The following NANS variants were observed in gnomAD, a reference collection of about 807,000 sequenced individuals.
NANS encodes the protein N-acetylneuraminate-9-phosphate synthase.
A neutral mutation model predicts 33.3 loss-of-function variants in NANS; 29 were observed. The observed-to-expected ratio is 0.87, with a 90% CI of 0.65 to 1.19. NANS has a LOEUF of 1.19. Among genes scored for constraint, NANS ranks in the 50% most tolerant of loss-of-function variants. NANS has a pLI of 0.00. For synonymous variants in NANS, 163 were observed against 177.2 expected (o/e 0.92, Z 0.64); for missense variants, 394 against 461.1 (o/e 0.85, Z 1.33).
intron 2 of NANS, among the ~76,000 whole-genome samples, chr9:98,073,308 G>A (rs1048713368): frequency 1.5e-4 from 17 of 109,708 alleles, no homozygotes; most frequent in African/African-American, 3.9e-4. Context: ...TTTTTGAGAC[G>A]GAGTCTTGCT....
At chr9:98,076,406 GC>G (rs1236619819) in intron 2 of NANS, 1 of 152,532 alleles carries the variant, frequency 6.6e-6, no homozygotes, top group Admixed American at 6.6e-5. Context: ...ATGGAGTCTC[GC>G]TCTGTGGCCC....
chr9:98,062,464 A>C (rs1829010986), intron 2 of NANS, among the ~76,000 whole-genome samples: 1 of 152,144 alleles, frequency 6.6e-6, no homozygotes, highest in Non-Finnish European at 1.5e-5. Flanking sequence ...TGTAAAAAAA[A>C]TTTTACTTGT....
chr9:98,079,973 G>C (rs1005638808), intron 4 of NANS, among the ~76,000 whole-genome samples: 2 of 152,246 alleles, frequency 1.3e-5, no homozygotes, highest in Admixed American at 6.5e-5. Context: ...CAGCACTTTG[G>C]GAGGCTGAGG....
chr9:98,060,560 C>T (rs555216517), intron 1 of NANS, among the ~76,000 whole-genome samples: 1 of 152,202 alleles, frequency 6.6e-6, no homozygotes, highest in South Asian at 2.1e-4. Context: ...ATCCCAGCTA[C>T]TTGGGAGGCT....
At chr9:98,077,986 C>T (rs543379578) in intron 3 of NANS, 15 of 616,768 alleles carry the variant, frequency 2.4e-5, no homozygotes, top group Non-Finnish European at 3.6e-5. Context: ...AGAACACTGT[C>T]GGGGGGCAGA....
intron 4 of NANS, among the ~76,000 whole-genome samples, chr9:98,078,872 C>T (rs1405397645): frequency 6.7e-6 from 1 of 149,536 alleles, no homozygotes; most frequent in Non-Finnish European, 1.5e-5. Flanking sequence ...TGTCAACAGA[C>T]ATTTGGGATG....
At chr9:98,076,701 C>A (rs957228179) in intron 2 of NANS, 1 of 526,316 alleles carries the variant, frequency 1.9e-6, no homozygotes, top group Admixed American at 3.8e-5. Flanking sequence ...AAGACCAGCA[C>A]CAAACGTTTG....
At chr9:98,065,112 T>C (rs1048849943) in intron 2 of NANS, among the ~76,000 whole-genome samples, 1 of 152,050 alleles carries the variant, frequency 6.6e-6, no homozygotes, top group Admixed American at 6.6e-5. Context: ...AAGGAATAGG[T>C]CTTGTAAGTA....
intron 4 of NANS, 140 bp downstream of exon 4, chr9:98,078,487 A>G (rs1389470557): frequency 2.6e-6 from 3 of 1,164,278 alleles, no homozygotes; most frequent in African/African-American, 3.1e-5. Flanking sequence ...TACCAAATCA[A>G]ATTCGAGCTA....
intron 4 of NANS, among the ~76,000 whole-genome samples, chr9:98,079,637 C>T (rs1829759718): frequency 6.6e-6 from 1 of 152,092 alleles, no homozygotes; most frequent in Admixed American, 6.6e-5. Flanking sequence ...GTAAACATCC[C>T]CTGCACTCCC....
rs139906232 is a variant in NANS, at chr9:98,062,256, G to A, written c.348+1259G>A. 8.3e-3 allele frequency among the ~76,000 whole-genome samples: 1,262 copies of A among 151,738 alleles called. 14 individuals are homozygous for A. Among genetic ancestry groups the A allele is most frequent in the African/African-American group, 0.028 (1,149 of 41,402 alleles). On this transcript the variant is annotated intron_variant, in intron 2 of 5. Transcript: ENST00000210444. ...CAAGGAAACCACAGTTCTGGAGTCC[G>A]CTCCTTGCTGACTAGCCTTGACTGA...
Position 98,078,361 on chromosome 9 carries a change from A to AG in NANS, c.603+19dup. 6.2e-7 allele frequency: 1 copy of AG among 1,611,150 alleles called. No homozygotes were observed. The highest frequency in any genetic ancestry group is 8.5e-7 in the Non-Finnish European group (1 of 1,178,488). On this transcript the variant is annotated intron_variant, in intron 4 of 5. Coordinates refer to ENST00000210444, the MANE Select transcript of NANS (RefSeq NM_018946.4). The stretch of plus-strand genomic sequence containing the variant: ...CGGGTCATCTCGGTGAGCAGGAGGG[A>AG]GGGGGTTCCCTTCTTGGGCCATTTA...
At chr9:98,070,407 C>T (rs1158697915) in intron 2 of NANS, among the ~76,000 whole-genome samples, 1 of 151,864 alleles carries the variant, frequency 6.6e-6, no homozygotes, top group Admixed American at 6.6e-5. Flanking sequence ...TGTGAGCCAC[C>T]GTGCCCAGCT....
intron 2 of NANS, among the ~76,000 whole-genome samples, chr9:98,063,209 G>A (rs1829037923): frequency 6.6e-6 from 1 of 151,304 alleles, no homozygotes; most frequent in Non-Finnish European, 1.5e-5. Flanking sequence ...GATTACGGGT[G>A]TGAGCCACCA....
At chr9:98,077,143 A>C in intron 3 of NANS, 126 bp downstream of exon 3, 1 of 712,582 alleles carries the variant, frequency 1.4e-6, no homozygotes, top group Non-Finnish European at 2.3e-6. Context: ...CATTTTTTTA[A>C]ATAGAGATAG....
In NANS at chr9:98,078,193, G is replaced by T. The variant is rs746136591; in HGVS notation, c.449G>T (p.Gly150Val). The change falls in exon 4 of 6, where the codon GGT (glycine) becomes GTT (valine). Residue 150 changes from glycine to valine, a missense_variant and splice_region_variant. Physicochemically the swap from Gly to Val is moderately radical, Grantham distance 109 (BLOSUM62 -3). Transcript: ENST00000210444. ...FPYLEKTAKK[G>V]RPMVISSGMQ... Reference sequence around the variant, plus strand: ...ATGGTGTTGGTGCTGGATTACTCAGGTCGCCCAATGGTGATCTCCAGTGGG... The same window carrying T: ...ATGGTGTTGGTGCTGGATTACTCAGTTCGCCCAATGGTGATCTCCAGTGGG... 1 of 1,614,186 alleles carries T rather than the reference G, an allele frequency of 6.2e-7. No homozygotes were observed. The highest frequency in any genetic ancestry group is 2.2e-5 in the East Asian group (1 of 44,884).
chr9:98,066,098 A>G (rs1314943758), intron 2 of NANS, among the ~76,000 whole-genome samples: 1 of 152,212 alleles, frequency 6.6e-6, no homozygotes, highest in Admixed American at 6.5e-5. Context: ...TCCCCAGGAC[A>G]CAGTTTTTCT....
chr9:98,071,818 G>A (rs1829348054), intron 2 of NANS, among the ~76,000 whole-genome samples: 1 of 152,208 alleles, frequency 6.6e-6, no homozygotes, highest in Admixed American at 6.5e-5. Context: ...GGACTTTTCT[G>A]CTTCCGTCCA....
chr9:98,079,560 C>T (rs1829755057), intron 4 of NANS, among the ~76,000 whole-genome samples: 1 of 152,158 alleles, frequency 6.6e-6, no homozygotes, highest in Non-Finnish European at 1.5e-5. Flanking sequence ...GCTTCACTTA[C>T]AGCTTATCTA....
Sources: gnomAD v4.1 joint callset for allele counts (sites outside exome capture counted in the v4.1 genomes callset) on GRCh38, gnomAD v4.1.1 for gene constraint, MANE v1.5 for transcripts, NCBI Gene and HGNC (gene_info 2026-07-23, HGNC 2026-07-21) for gene names.